SNX6: variants seen among roughly 807,000 people sequenced by gnomAD.
SNX6 encodes the protein sorting nexin 6.
A neutral mutation model predicts 63.0 loss-of-function variants in SNX6; 34 were observed. That is an observed-to-expected ratio of 0.54 (90% CI 0.41 to 0.72). The LOEUF (loss-of-function observed/expected upper bound fraction) is 0.72. Among genes scored for constraint, SNX6 ranks in the 30% least tolerant of loss-of-function variants. The pLI is 0.00. For synonymous variants in SNX6, 170 were observed against 164.2 expected (o/e 1.04, Z -0.27); for missense variants, 398 against 471.4 (o/e 0.84, Z 1.44).
rs147133723 is a variant in SNX6, at chr14:34,564,390, C to T, written c.1168-1215G>A. Among the ~76,000 whole-genome samples the T allele has an allele frequency of 2.1e-3, 323 of 152,246 alleles. 3 individuals carry two copies. Among genetic ancestry groups the T allele is most frequent in the East Asian group, 1.2e-3 (6 of 5,188 alleles). On this transcript the variant is annotated intron_variant, in intron 13 of 13. Coordinates refer to ENST00000362031, the MANE Select transcript of SNX6 (RefSeq NM_152233.4). ...ATGTACTGGTAGTAACCATAGAACACCCAGTTGTGATAACCACAAATGTCT... is the reference window on the plus strand; with the variant it reads ...ATGTACTGGTAGTAACCATAGAACATCCAGTTGTGATAACCACAAATGTCT...
At chr14:34,614,450 CAA>C (rs1203974173) in intron 2 of SNX6, among the ~76,000 whole-genome samples, 1 of 151,116 alleles carries the variant, frequency 6.6e-6, no homozygotes, top group Admixed American at 6.6e-5. Context: ...AAAAAAAAAC[CAA>C]AAAACTCCAA....
chr14:34,603,567 G>C (rs1379901069), intron 5 of SNX6, 96 bp from the exon 6 acceptor site: 1 of 1,021,514 alleles, frequency 9.8e-7, no homozygotes, highest in Non-Finnish European at 1.4e-6. Flanking sequence ...GGATTATTCC[G>C]AATGCAAATC....
At chr14:34,619,440 A>G (rs1320802644) in intron 2 of SNX6, among the ~76,000 whole-genome samples, 3 of 151,706 alleles carry the variant, frequency 2.0e-5, no homozygotes, top group East Asian at 1.9e-4. Flanking sequence ...ATATATATAT[A>G]TATTTAGAGA....
chr14:34,587,532 C>CAAAAAAA (rs34380966), intron 8 of SNX6, among the ~76,000 whole-genome samples: 8 of 57,826 alleles, frequency 1.4e-4, no homozygotes, highest in African/African-American at 5.1e-4. Flanking sequence ...GACTCCATCT[C>CAAAAAAA]AAAAAAAAAA....
intron 9 of SNX6, 37 bp downstream of exon 9, chr14:34,586,193 G>A (rs747337878): frequency 1.5e-5 from 20 of 1,368,546 alleles, no homozygotes; most frequent in Non-Finnish European, 1.6e-5. Context: ...GAGCCACCGC[G>A]CCCAGCCTAT....
intron 2 of SNX6, among the ~76,000 whole-genome samples, chr14:34,611,748 C>A (rs1379997072): frequency 8.5e-4 from 91 of 107,092 alleles, no homozygotes; most frequent in Non-Finnish European, 9.2e-4. Flanking sequence ...GACACTGTCT[C>A]AAAAAAAAAA....
At chr14:34,618,373 T>A (rs1883503340) in intron 2 of SNX6, among the ~76,000 whole-genome samples, 1 of 150,700 alleles carries the variant, frequency 6.6e-6, no homozygotes, top group South Asian at 2.1e-4. Context: ...GAGGGGGGGA[T>A]GGAGTCTTGC....
At chr14:34,579,157 A>G (rs1320641133) in intron 10 of SNX6, among the ~76,000 whole-genome samples, 1 of 151,994 alleles carries the variant, frequency 6.6e-6, no homozygotes, top group African/African-American at 2.4e-5. Context: ...CATATGATCC[A>G]TCAATTCCCC....
At chr14:34,596,185 C>T (rs1882589219) in intron 7 of SNX6, among the ~76,000 whole-genome samples, 2 of 151,340 alleles carry the variant, frequency 1.3e-5, no homozygotes, top group Admixed American at 1.3e-4. Flanking sequence ...CCACCGCACT[C>T]CAGCCTGGGC....
At chr14:34,590,908 C>T (rs12590540) in intron 8 of SNX6, among the ~76,000 whole-genome samples, 57,267 of 152,024 alleles carry the variant, frequency 0.38, 12,606 homozygotes, top group East Asian at 0.74. Flanking sequence ...AATGAACTAT[C>T]GATATACACA....
rs769885941 is a variant in SNX6, at chr14:34,567,844, G to GT, written c.1081+9dup. The GT allele has an allele frequency of 1.9e-6, 3 of 1,613,698 alleles. No individual in the cohort carries two copies. The highest frequency in any genetic ancestry group is 1.1e-5 in the South Asian group (1 of 91,068). Reference sequence around the variant, plus strand: ...GCATATCTTGTGATTAAAGGTTAACGTAACAGTACCTTGTTTTGCAGACTC... The same window carrying GT: ...GCATATCTTGTGATTAAAGGTTAACGTTAACAGTACCTTGTTTTGCAGACTC... On this transcript the variant is annotated intron_variant, in intron 12 of 13. Transcript: ENST00000362031.
chr14:34,606,043 A>G (rs889946096), intron 4 of SNX6, among the ~76,000 whole-genome samples: 2 of 151,520 alleles, frequency 1.3e-5, no homozygotes, highest in Non-Finnish European at 2.9e-5. Flanking sequence ...CCCTGGTGGC[A>G]GGCACCTGTA....
intron 2 of SNX6, among the ~76,000 whole-genome samples, chr14:34,613,790 C>CA (rs1288210464): frequency 6.6e-6 from 1 of 150,652 alleles, no homozygotes; most frequent in Non-Finnish European, 1.5e-5. Flanking sequence ...GACTCCATCT[C>CA]AAAAAAACAA....
chr14:34,605,810 T>C (rs777670178), intron 4 of SNX6, 93 bp from the exon 5 acceptor site: 5 of 1,456,564 alleles, frequency 3.4e-6, no homozygotes, highest in Non-Finnish European at 4.6e-6. Context: ...CTGGGAAAGC[T>C]AAGGGGATCC....
intron 6 of SNX6, among the ~76,000 whole-genome samples, chr14:34,601,374 C>T (rs1392406664): frequency 2.6e-5 from 4 of 151,522 alleles, no homozygotes; most frequent in African/African-American, 9.7e-5. Flanking sequence ...TACAGGCATG[C>T]GCCACCAAGC....
chr14:34,620,082 T>C (rs1320873556), intron 2 of SNX6, among the ~76,000 whole-genome samples: 1 of 152,156 alleles, frequency 6.6e-6, no homozygotes, highest in African/African-American at 2.4e-5. Context: ...TTGTTTGTAC[T>C]GTTCCATTTC....
chr14:34,563,801 C>G (rs1881045412), intron 13 of SNX6, among the ~76,000 whole-genome samples: 1 of 151,924 alleles, frequency 6.6e-6, no homozygotes, highest in Admixed American at 6.6e-5. Context: ...TGCAATGGCA[C>G]CATCTCAGGT....
intron 8 of SNX6, among the ~76,000 whole-genome samples, chr14:34,592,705 AG>A (rs1203498250): frequency 6.6e-6 from 1 of 151,614 alleles, no homozygotes. Flanking sequence ...CTGGGACCAC[AG>A]CCATGCGGCA....
intron 13 of SNX6, among the ~76,000 whole-genome samples, chr14:34,565,439 C>T (rs1881134834): frequency 6.6e-6 from 1 of 152,016 alleles, no homozygotes; most frequent in African/African-American, 2.4e-5. Context: ...ACCATTCCCT[C>T]CTCACAGACT....
Sources: allele counts gnomAD v4.1 joint callset (sites outside exome capture counted in the v4.1 genomes callset), GRCh38; gene constraint gnomAD v4.1.1; transcripts MANE v1.5; gene names NCBI Gene and HGNC (gene_info 2026-07-23, HGNC 2026-07-21).